Variants in MMP26 observed in about 807,000 individuals in gnomAD.
The protein encoded by MMP26 is matrix metalloproteinase-26.
MMP26 carries 33 observed loss-of-function variants against 31.0 expected under a neutral mutation model. The ratio of observed to expected loss-of-function variants is 1.06; its 90% CI spans 0.81 to 1.42. The LOEUF is 1.42. MMP26 is among the 40% of genes most tolerant of loss of function. The pLI is 0.00. For synonymous variants in MMP26, 122 were observed against 114.9 expected, an observed-to-expected ratio of 1.06 and a Z score of -0.40; for missense variants, 347 against 316.1, an observed-to-expected ratio of 1.10 and a Z score of -0.74.
At chr11:4,940,639 C>G (rs1399958277) in intron 2 of MMP26, among the ~76,000 whole-genome samples, 1 of 152,114 alleles carries the variant, frequency 6.6e-6, no homozygotes, top group East Asian at 1.9e-4. Context: ...ACAGCAGGGG[C>G]TGTTTGAAAG....
chr11:4,836,845 T>A lies in MMP26; in HGVS notation c.-145+69504T>A, dbSNP rs904233321. On this transcript the variant is annotated intron_variant, in intron 2 of 7. Transcript: ENST00000380390. The stretch of plus-strand genomic sequence containing the variant: ...CAGCTAATTTTTTTTTTTTTTGTAT[T>A]TTTGGTAGAGACGTGGTTTCACCAT... 8.6e-5 allele frequency among the ~76,000 whole-genome samples: 13 copies of A among 151,538 alleles called. No individual in the cohort carries two copies. The East Asian group carries it at 2.3e-3, about 27-fold the overall frequency.
At chr11:4,767,458 A>G (rs1458967671) in intron 2 of MMP26, 117 bp downstream of exon 2, 1 of 152,172 alleles carries the variant, frequency 6.6e-6, no homozygotes, top group Non-Finnish European at 1.5e-5. Context: ...AGTGCACAGT[A>G]ATATTTTTTA....
At chr11:4,849,114 G>A (rs770166893) in intron 2 of MMP26, 1 of 1,614,122 alleles carries the variant, frequency 6.2e-7, no homozygotes, top group Admixed American at 1.7e-5. Context: ...CCACCAGGAG[G>A]GTGCACCTGA....
chr11:4,781,680 A>G (rs149838118), intron 2 of MMP26, among the ~76,000 whole-genome samples: 2 of 148,170 alleles, frequency 1.3e-5, no homozygotes, highest in Non-Finnish European at 3.0e-5. Flanking sequence ...ATAGTGTTGT[A>G]TAAAATACCA....
At chr11:4,831,035 T>C (rs1849639228) in intron 2 of MMP26, among the ~76,000 whole-genome samples, 1 of 152,180 alleles carries the variant, frequency 6.6e-6, no homozygotes, top group South Asian at 2.1e-4. Context: ...TCATAGCTCC[T>C]AACTCGGGTC....
chr11:4,798,591 G>A (rs1195393907), intron 2 of MMP26, among the ~76,000 whole-genome samples: 1 of 152,182 alleles, frequency 6.6e-6, no homozygotes, highest in African/African-American at 2.4e-5. Context: ...TGAAATCTGA[G>A]GTAACTAAAG....
At chr11:4,810,593 G>T (rs566502746) in intron 2 of MMP26, among the ~76,000 whole-genome samples, 1 of 152,140 alleles carries the variant, frequency 6.6e-6, no homozygotes, top group South Asian at 2.1e-4. Flanking sequence ...AGGAGTGTGG[G>T]GTTAATGAGG....
chr11:4,965,773 G>C (rs1381118372), intron 2 of MMP26, among the ~76,000 whole-genome samples: 2 of 152,134 alleles, frequency 1.3e-5, no homozygotes. Flanking sequence ...CATGTATGGA[G>C]ACACGTAACT....
At chr11:4,780,204 G>T (rs1848840026) in intron 2 of MMP26, among the ~76,000 whole-genome samples, 1 of 152,018 alleles carries the variant, frequency 6.6e-6, no homozygotes, top group Non-Finnish European at 1.5e-5. Flanking sequence ...TTCTGTTGGG[G>T]TTTATCAAGA....
chr11:4,723,904 T>C, intron 1 of MMP26: 3 of 1,034,970 alleles, frequency 2.9e-6, no homozygotes, highest in South Asian at 1.2e-5. Context: ...CTCCTTCTCC[T>C]GGGTGCGCAT....
intron 2 of MMP26, among the ~76,000 whole-genome samples, chr11:4,807,604 C>T (rs61178580): frequency 1.3e-4 from 5 of 37,560 alleles, no homozygotes; most frequent in African/African-American, 5.3e-4. Flanking sequence ...ACATCACACA[C>T]TGGGGGCCTG....
chr11:4,798,225 G>T (rs931100463), intron 2 of MMP26, among the ~76,000 whole-genome samples: 2 of 152,204 alleles, frequency 1.3e-5, no homozygotes, highest in Admixed American at 6.5e-5. Flanking sequence ...GACAAGCTCT[G>T]CAAAGTCTCT....
At chr11:4,763,473 C>G (rs1848593155) in intron 1 of MMP26, among the ~76,000 whole-genome samples, 2 of 152,128 alleles carry the variant, frequency 1.3e-5, no homozygotes, top group Admixed American at 1.3e-4. Flanking sequence ...TTTCACTCAT[C>G]AAAACAGAGT....
chr11:4,776,119 CAG>C (rs1848788252), intron 2 of MMP26, among the ~76,000 whole-genome samples: 1 of 152,070 alleles, frequency 6.6e-6, no homozygotes, highest in East Asian at 1.9e-4. Flanking sequence ...CTTCAAAACA[CAG>C]AGTTTTGTTC....
At chr11:4,894,067 T>G (rs1426270913) in intron 2 of MMP26, among the ~76,000 whole-genome samples, 1 of 152,214 alleles carries the variant, frequency 6.6e-6, no homozygotes, top group Non-Finnish European at 1.5e-5. Flanking sequence ...TTTGCATATG[T>G]TGTTACAAAA....
intron 2 of MMP26, among the ~76,000 whole-genome samples, chr11:4,898,594 G>A (rs1311071324): frequency 2.0e-5 from 3 of 152,078 alleles, no homozygotes; most frequent in Non-Finnish European, 4.4e-5. Context: ...TTCTAATGAG[G>A]AATGTTGAAT....
At chr11:4,848,364 A>T in intron 2 of MMP26, 1 of 1,614,168 alleles carries the variant, frequency 6.2e-7, no homozygotes, top group Non-Finnish European at 8.5e-7. Context: ...ATAGGATAGA[A>T]GAGTATGGGT....
chr11:4,784,609 G>A (rs529085528), intron 2 of MMP26, among the ~76,000 whole-genome samples: 36 of 152,242 alleles, frequency 2.4e-4, no homozygotes, highest in South Asian at 6.2e-4. Flanking sequence ...ATCTGAAGCC[G>A]TGACAGCTGG....
chr11:4,866,956 T>A (rs1175430858), intron 2 of MMP26, among the ~76,000 whole-genome samples: 2 of 152,028 alleles, frequency 1.3e-5, no homozygotes, highest in African/African-American at 4.8e-5. Context: ...AACACTTAAA[T>A]GTAAAGCCCC....
Sources: gnomAD v4.1 joint callset for allele counts (sites outside exome capture counted in the v4.1 genomes callset) on GRCh38, gnomAD v4.1.1 for gene constraint, MANE v1.5 for transcripts, NCBI Gene and HGNC (gene_info 2026-07-23, HGNC 2026-07-21) for gene names.